The following ZZEF1 variants were observed in gnomAD, a reference collection of about 807,000 sequenced individuals.
ZZEF1 encodes zinc finger ZZ-type and EF-hand domain containing 1, also known as zinc finger ZZ-type and EF-hand domain-containing protein 1.
In ZZEF1, 157 loss-of-function variants were observed where a neutral mutation model predicts 342.8. That is an observed-to-expected ratio of 0.46 (90% confidence interval 0.40 to 0.52). ZZEF1 has a LOEUF of 0.52. Among genes scored for constraint, ZZEF1 ranks in the 20% least tolerant of loss-of-function variants. The pLI, the probability that ZZEF1 is intolerant of heterozygous loss-of-function variation, is 0.00. For missense variants in ZZEF1, 3,480 were observed against 3,725.6 expected, an observed-to-expected ratio of 0.93 and a Z score of 1.72; for synonymous variants, 1,505 against 1,429.1, an observed-to-expected ratio of 1.05 and a Z score of -1.20.
In ZZEF1 at chr17:4,077,692, T is replaced by C. The variant is rs76210116; in HGVS notation, c.2989+191A>G. 0.025 allele frequency among the ~76,000 whole-genome samples: 3,828 copies of C among 152,272 alleles called. 147 individuals carry two copies. The highest frequency in any genetic ancestry group is 0.087 in the African/African-American group (3,632 of 41,530). Reference sequence around the variant, plus strand: ...AAAATACTTAGGCATACCACCACACTCAGAGAGTAAACTCTAGACAAAAAG... The same window carrying C: ...AAAATACTTAGGCATACCACCACACCCAGAGAGTAAACTCTAGACAAAAAG... On this transcript the variant is annotated intron_variant, in intron 19 of 54. Transcript: ENST00000381638.
Position 4,044,255 on chromosome 17 carries a change from A to G in ZZEF1, c.6135T>C (p.Pro2045=). ...GTCCTGTAGGTGGGCTAGCATCTGC[A>G]GGTGAATCTGAAATTTGGGTCTGGC... ...PSCQTQISDS[P]ADASPPTGLP... is the part of the protein sequence containing the mutation. Residue 2045 remains proline (P), a synonymous_variant, in exon 38 of 55, where the codon CCT becomes CCC. Coordinates refer to ENST00000381638, the MANE Select transcript of ZZEF1 (RefSeq NM_015113.4). 1 of 1,614,194 alleles carries G rather than the reference A, an allele frequency of 6.2e-7. No individual in the cohort carries two copies. The highest frequency in any genetic ancestry group is 1.3e-5 in the African/African-American group (1 of 75,062).
chr17:4,019,454 A>G (rs781858), intron 46 of ZZEF1, among the ~76,000 whole-genome samples: 5 of 152,014 alleles, frequency 3.3e-5, no homozygotes, highest in African/African-American at 7.3e-5. Context: ...GACTACAAAC[A>G]TAAGTTTTAA....
Position 4,090,751 on chromosome 17 carries a change from C to G in ZZEF1, c.1993G>C (p.Asp665His). 6.2e-7 allele frequency: 1 copy of G among 1,614,186 alleles called. No homozygotes were observed. Among genetic ancestry groups the G allele is most frequent in the Non-Finnish European group, 8.5e-7 (1 of 1,180,034 alleles). ...ACTCTGCACTGTTGCAGCTTCACAT[C>G]TGCTTCATCCCATTCTTCTTCCAGT... is the stretch of plus-strand genomic sequence containing the variant. Reference protein sequence around the residue: ...FELEEEWDEADVKLQQCRVAK... With the variant: ...FELEEEWDEAHVKLQQCRVAK... The change falls in exon 12 of 55, where the codon GAT (aspartate) becomes CAT (histidine). Residue 665 changes from aspartate to histidine, a missense_variant. This residue lies in a region of ZZEF1 where 1,528 missense variants were observed against 1,624.1 expected (regional missense o/e 0.94). Transcript: ENST00000381638.
rs931962384 is a variant in ZZEF1, at chr17:4,016,271, G to A, written c.8145+52C>T. 13 of 1,572,314 alleles carry A rather than the reference G, an allele frequency of 8.3e-6. No individual in the cohort carries two copies. Among genetic ancestry groups the A allele is most frequent in the Admixed American group, 3.9e-5 (2 of 50,938 alleles). On this transcript the variant is annotated intron_variant, in intron 49 of 54. Transcript: ENST00000381638. This position sits in a 1 kb window ranked among gnomAD's most constrained non-coding sequence, Gnocchi z 4.4. ...AGGGGCTGAGCACGGAGGGGCTGAC[G>A]AGGTCTCTGCGGCTCAGTCGCTCTT...
At position 4,134,743 on chromosome 17, in the gene ZZEF1, T is replaced by A. The variant is rs147712745; in HGVS notation, c.354+7799A>T. ...ATTTGAATCCTGGACTGATTCCAGATGCCACAATTAACCACTATACCATGG... is the reference window on the plus strand; with the variant it reads ...ATTTGAATCCTGGACTGATTCCAGAAGCCACAATTAACCACTATACCATGG... On this transcript the variant is annotated intron_variant, in intron 1 of 54. Coordinates refer to ENST00000381638, the MANE Select transcript of ZZEF1 (RefSeq NM_015113.4). Among the ~76,000 whole-genome samples, 132 of 152,188 alleles carry A rather than the reference T, an allele frequency of 8.7e-4. 1 individual carries two copies. Among genetic ancestry groups the A allele is most frequent in the African/African-American group, 2.9e-3 (121 of 41,528 alleles).
intron 33 of ZZEF1, among the ~76,000 whole-genome samples, chr17:4,055,899 A>G (rs1483999807): frequency 6.6e-6 from 1 of 152,198 alleles, no homozygotes; most frequent in East Asian, 1.9e-4. Context: ...GTTCCACCTC[A>G]GATCATCAGT....
At chr17:4,007,565 GGACC>G (rs2055834443) in intron 54 of ZZEF1, among the ~76,000 whole-genome samples, 2 of 152,164 alleles carry the variant, frequency 1.3e-5, no homozygotes, top group Non-Finnish European at 2.9e-5. Context: ...GCAGCAAGAG[GGACC>G]CGCCCACAGG....
intron 2 of ZZEF1, among the ~76,000 whole-genome samples, chr17:4,122,675 G>A (rs1356242613): frequency 6.6e-6 from 1 of 152,112 alleles, no homozygotes. Flanking sequence ...GTGAGCCACT[G>A]TGCCCCGCCG....
chr17:4,022,201 C>T (rs1597771330), intron 44 of ZZEF1, among the ~76,000 whole-genome samples: 1 of 152,158 alleles, frequency 6.6e-6, no homozygotes, highest in Non-Finnish European at 1.5e-5. Flanking sequence ...CCGCTCACTC[C>T]CTCCTACATG....
rs1309179696 is a variant in ZZEF1 at position 4,050,916 on chromosome 17, T to C, written c.5728A>G (p.Ser1910Gly). The C allele has an allele frequency of 6.2e-7, 1 of 1,614,098 alleles. No homozygotes were observed. The highest frequency in any genetic ancestry group is 8.5e-7 in the Non-Finnish European group (1 of 1,180,004). ...TCCTCTGCACTGGCCAGGTGGGCGC[T>C]ATAGAGAGCCAGGGCAGCAAAGAGC... ...WLLFAALALY[S>G]AHLASAEDVD... The change falls in exon 36 of 55, where the codon AGC (serine) becomes GGC (glycine). Residue 1910 changes from serine (S) to glycine (G), a missense_variant. Coordinates refer to ENST00000381638, the MANE Select transcript of ZZEF1 (RefSeq NM_015113.4).
chr17:4,030,054 A>G (rs1318396689), intron 42 of ZZEF1, among the ~76,000 whole-genome samples: 3 of 151,662 alleles, frequency 2.0e-5, no homozygotes, highest in Non-Finnish European at 2.9e-5. Context: ...AAAAGAAAAG[A>G]AACCGGAAAA....
At chr17:4,110,239 G>C (rs141815239) in intron 5 of ZZEF1, among the ~76,000 whole-genome samples, 108 of 152,276 alleles carry the variant, frequency 7.1e-4, no homozygotes, top group African/African-American at 2.5e-3. Flanking sequence ...TTAAGTTATA[G>C]AACAGTGGCT....
Position 4,076,856 on chromosome 17 carries a change from A to G in ZZEF1, c.3111+12T>C, listed in dbSNP as rs1271912730. 1.2e-6 allele frequency: 2 copies of G among 1,613,876 alleles called. No individual in the cohort carries two copies. The highest frequency in any genetic ancestry group is 1.3e-5 in the African/African-American group (1 of 74,922). ...TTCCGGTTCTTTACAAATAGCTGCT[A>G]GTTTTTCTTACCAGTTGACGAGCTG... On this transcript the variant is annotated intron_variant, in intron 20 of 54. Transcript: ENST00000381638.
intron 30 of ZZEF1, among the ~76,000 whole-genome samples, chr17:4,061,073 G>A (rs549128585): frequency 6.6e-5 from 10 of 152,312 alleles, no homozygotes; most frequent in African/African-American, 2.4e-4. Flanking sequence ...CTAAATGTCT[G>A]TAGTCTCTCC....
chr17:4,114,957 ATG>A (rs1180437246), intron 3 of ZZEF1, among the ~76,000 whole-genome samples: 1 of 152,198 alleles, frequency 6.6e-6, no homozygotes, highest in Non-Finnish European at 1.5e-5. Flanking sequence ...ACATGATCAA[ATG>A]TATATATAAA....
intron 18 of ZZEF1, among the ~76,000 whole-genome samples, chr17:4,080,002 T>A (rs2057692167): frequency 6.6e-6 from 1 of 152,202 alleles, no homozygotes; most frequent in Non-Finnish European, 1.5e-5. Flanking sequence ...CTGGTTCCCA[T>A]ATTTAGCCCA....
chr17:4,034,604 CT>C (rs2145066863), intron 39 of ZZEF1, among the ~76,000 whole-genome samples: 1 of 152,276 alleles, frequency 6.6e-6, no homozygotes, highest in East Asian at 1.9e-4. Context: ...TAAAGCTCCC[CT>C]AAATCCCCTC....
chr17:4,113,160 G>A (rs1395220707), intron 4 of ZZEF1, among the ~76,000 whole-genome samples: 1 of 152,198 alleles, frequency 6.6e-6, no homozygotes, highest in Non-Finnish European at 1.5e-5. Context: ...TAAATTAGAT[G>A]TCTAAAGGTC....
chr17:4,017,663 C>A lies in ZZEF1; in HGVS notation c.7709G>T (p.Ser2570Ile), dbSNP rs2056145398. 1.2e-6 allele frequency: 2 copies of A among 1,613,956 alleles called. No individual in the cohort carries two copies. Among genetic ancestry groups the A allele is most frequent in the South Asian group, 2.2e-5 (2 of 91,086 alleles). ...SNPVTQKLISSTESELQQSYA... is the reference protein window; with the variant it reads ...SNPVTQKLISITESELQQSYA... The stretch of plus-strand genomic sequence containing the variant: ...GCTCTGCTGCAGTTCGCTCTCTGTG[C>A]TGGAGATCAGCTTCTGGGTCACAGG... Residue 2570 changes from serine to isoleucine, a missense_variant, in exon 48 of 55, where the codon AGC (serine) becomes ATC (isoleucine). By Grantham distance (142) the Ser-to-Ile change is moderately radical. Around this residue, in one of 5 missense-constraint regions of ZZEF1, gnomAD observed 1,269 missense variants for 1,342.4 expected, o/e 0.95. Transcript: ENST00000381638. The surrounding 1 kb of genome is among the most constrained non-coding windows in gnomAD (Gnocchi z 5.1).
Sources: allele counts gnomAD v4.1 joint callset (sites outside exome capture counted in the v4.1 genomes callset), GRCh38; gene constraint gnomAD v4.1.1; regional missense constraint gnomAD v4.1.1; non-coding constraint Gnocchi (gnomAD v3.1); transcripts MANE v1.5; gene names NCBI Gene and HGNC (gene_info 2026-07-23, HGNC 2026-07-21).